Variants in PHACTR1 observed in about 807,000 individuals in gnomAD.
PHACTR1 encodes phosphatase and actin regulator 1.
In PHACTR1, 16 loss-of-function variants were observed where a neutral mutation model predicts 69.2. The ratio of observed to expected loss-of-function variants is 0.23; its 90% CI spans 0.16 to 0.35. PHACTR1 has a LOEUF of 0.35. Ranked by LOEUF, PHACTR1 falls within the 10% of genes least tolerant of loss-of-function variation. The probability of loss-of-function intolerance (pLI) is 1.00; values close to 1 mark genes in which losing one functional copy is unlikely to be tolerated. For missense variants in PHACTR1, 510 were observed against 734.7 expected (o/e 0.69, Z 3.54); for synonymous variants, 312 against 284.5 (o/e 1.10, Z -0.97).
intron 4 of PHACTR1, among the ~76,000 whole-genome samples, chr6:12,757,666 G>A (rs774220240): frequency 1.2e-4 from 19 of 152,156 alleles, no homozygotes; most frequent in Non-Finnish European, 2.6e-4. Context: ...TGTAGGTTGT[G>A]AGAGGAGAAG....
intron 4 of PHACTR1, among the ~76,000 whole-genome samples, chr6:12,932,661 G>A (rs1788995550): frequency 6.6e-6 from 1 of 152,110 alleles, no homozygotes; most frequent in South Asian, 2.1e-4. Context: ...AAACAATTCT[G>A]ACCCCTTAAA....
chr6:13,108,564 T>A (rs886230435), intron 5 of PHACTR1, among the ~76,000 whole-genome samples: 1 of 152,122 alleles, frequency 6.6e-6, no homozygotes, highest in African/African-American at 2.4e-5. Context: ...TTATTATATA[T>A]GTTGTCTTTA....
chr6:12,741,595 GT>G (rs988859941), intron 3 of PHACTR1, among the ~76,000 whole-genome samples: 1 of 152,022 alleles, frequency 6.6e-6, no homozygotes, highest in Non-Finnish European at 1.5e-5. Context: ...TGTAGATTCT[GT>G]ATGCTTTTCT....
intron 4 of PHACTR1, among the ~76,000 whole-genome samples, chr6:13,027,046 T>C (rs1479582571): frequency 6.6e-6 from 1 of 152,142 alleles, no homozygotes; most frequent in Non-Finnish European, 1.5e-5. Context: ...GCTAAATCCA[T>C]AGGTATCACA....
intron 1 of PHACTR1, 139 bp from the exon 2 acceptor site, chr6:12,717,370 T>C (rs1249724002): frequency 6.6e-6 from 1 of 151,442 alleles, no homozygotes; most frequent in Non-Finnish European, 1.5e-5. Context: ...TCTGTTTTGT[T>C]TTTTTTTTAA....
At chr6:12,796,136 T>C (rs896958067) in intron 4 of PHACTR1, among the ~76,000 whole-genome samples, 11 of 152,162 alleles carry the variant, frequency 7.2e-5, no homozygotes, top group Non-Finnish European at 1.6e-4. Context: ...TGGGGGTATA[T>C]AGGGTAGGGA....
chr6:13,054,626 G>A (rs1480024376), intron 5 of PHACTR1, among the ~76,000 whole-genome samples: 2 of 152,164 alleles, frequency 1.3e-5, no homozygotes, highest in East Asian at 3.8e-4. Flanking sequence ...GTACGTAAGC[G>A]AGTGTGAGCA....
intron 4 of PHACTR1, among the ~76,000 whole-genome samples, chr6:12,949,415 T>A (rs1278114980): frequency 1.3e-5 from 2 of 151,986 alleles, no homozygotes; most frequent in African/African-American, 4.8e-5. Flanking sequence ...AAGGGCAACA[T>A]CTTCCAGCAC....
rs1225757251 is a variant in PHACTR1 at position 12,915,506 on chromosome 6, C to CAA, written c.251-137846_251-137845dup. 8.9e-3 allele frequency among the ~76,000 whole-genome samples: 447 copies of CAA among 49,986 alleles called. 16 individuals are homozygous for CAA. The highest frequency in any genetic ancestry group is 0.012 in the Non-Finnish European group (299 of 24,448). 32.8% of individuals were successfully genotyped at this position (49,986 alleles called of 152,430 possible). ...TGGGTGATAGAGTGAAACTCTCTCT[C>CAA]AAAAAAAAAAAAAAGAAAAAAAAAA... On this transcript the variant is annotated intron_variant, in intron 4 of 14. Coordinates refer to ENST00000332995, the MANE Select transcript of PHACTR1 (RefSeq NM_030948.6).
intron 5 of PHACTR1, among the ~76,000 whole-genome samples, chr6:13,097,660 C>T (rs1814490433): frequency 6.6e-6 from 1 of 152,168 alleles, no homozygotes; most frequent in Non-Finnish European, 1.5e-5. Context: ...GGCACATTGC[C>T]CTACTGCAAA....
intron 5 of PHACTR1, among the ~76,000 whole-genome samples, chr6:13,057,462 A>C (rs1176931901): frequency 6.6e-6 from 1 of 152,164 alleles, no homozygotes; most frequent in East Asian, 1.9e-4. Flanking sequence ...TCCCTCTTTG[A>C]ACACACAAAA....
intron 4 of PHACTR1, among the ~76,000 whole-genome samples, chr6:13,013,995 GC>G (rs1799801368): frequency 6.6e-6 from 1 of 152,058 alleles, no homozygotes; most frequent in Non-Finnish European, 1.5e-5. Flanking sequence ...CAAAAAGAAA[GC>G]TTTTTATTTG....
chr6:12,856,888 T>C (rs1274141793), intron 4 of PHACTR1, among the ~76,000 whole-genome samples: 1 of 152,232 alleles, frequency 6.6e-6, no homozygotes, highest in Non-Finnish European at 1.5e-5. Context: ...CGTGTTTTCT[T>C]GAACAATTTG....
At chr6:13,238,420 G>A (rs1772332025) in intron 10 of PHACTR1, among the ~76,000 whole-genome samples, 2 of 152,140 alleles carry the variant, frequency 1.3e-5, no homozygotes, top group Admixed American at 1.3e-4. Context: ...ATGTTACTCT[G>A]TCTTATTTAG....
At chr6:12,891,917 G>A (rs2127469710) in intron 4 of PHACTR1, among the ~76,000 whole-genome samples, 1 of 152,276 alleles carries the variant, frequency 6.6e-6, no homozygotes, top group East Asian at 1.9e-4. Flanking sequence ...TAATAATAGG[G>A]CCACCATAGA....
At chr6:13,006,144 G>A (rs1798760587) in intron 4 of PHACTR1, among the ~76,000 whole-genome samples, 1 of 152,180 alleles carries the variant, frequency 6.6e-6, no homozygotes, top group African/African-American at 2.4e-5. Context: ...GATTAAAAGA[G>A]CAGGATCTGC....
chr6:13,142,885 G>T (rs941554888), intron 5 of PHACTR1, among the ~76,000 whole-genome samples: 3 of 151,980 alleles, frequency 2.0e-5, no homozygotes, highest in Non-Finnish European at 4.4e-5. Context: ...AATTGTATTG[G>T]TAATTAAAAA....
chr6:12,959,666 C>T (rs1443994248), intron 4 of PHACTR1, among the ~76,000 whole-genome samples: 1 of 152,182 alleles, frequency 6.6e-6, no homozygotes, highest in Non-Finnish European at 1.5e-5. Flanking sequence ...CCTTTCTACA[C>T]TTCAATAATA....
intron 10 of PHACTR1, among the ~76,000 whole-genome samples, chr6:13,235,681 A>AT (rs2127356670): frequency 6.6e-6 from 1 of 152,310 alleles, no homozygotes; most frequent in East Asian, 1.9e-4. Flanking sequence ...ATCCTATAAA[A>AT]AGTCAGTCAT....
Sources: gnomAD v4.1 joint callset for allele counts (sites outside exome capture counted in the v4.1 genomes callset) on GRCh38, gnomAD v4.1.1 for gene constraint, MANE v1.5 for transcripts, NCBI Gene and HGNC (gene_info 2026-07-23, HGNC 2026-07-21) for gene names.